The following NRXN1 variants were observed in gnomAD, a reference collection of about 807,000 sequenced individuals.
NRXN1 encodes neurexin 1, also known as neurexin-1.
Under a neutral mutation model 150.9 loss-of-function variants are expected in NRXN1, and 39 were observed. The ratio of observed to expected loss-of-function variants is 0.26; its 90% CI spans 0.20 to 0.34. The LOEUF is 0.34. Ranked by LOEUF, NRXN1 falls within the 10% of genes least tolerant of loss-of-function variation. The pLI, the probability that NRXN1 is intolerant of heterozygous loss-of-function variation, is 1.00. For synonymous variants in NRXN1, 924 were observed against 757.0 expected, an observed-to-expected ratio of 1.22 and a Z score of -3.62; for missense variants, 1,815 against 1,949.9, an observed-to-expected ratio of 0.93 and a Z score of 1.30.
At chr2:50,082,322 T>C (rs2152685410) in intron 19 of NRXN1, among the ~76,000 whole-genome samples, 1 of 152,322 alleles carries the variant, frequency 6.6e-6, no homozygotes, top group African/African-American at 2.4e-5. Context: ...GTGACTACTT[T>C]TCAGGAGTGA....
intron 17 of NRXN1, among the ~76,000 whole-genome samples, chr2:50,445,793 C>G (rs1383729892): frequency 2.0e-5 from 3 of 152,012 alleles, no homozygotes; most frequent in Admixed American, 6.5e-5. Context: ...GGCAAGGACA[C>G]CTGTGGCAAT....
chr2:50,972,095 A>AT (rs10636342), intron 2 of NRXN1, among the ~76,000 whole-genome samples: 1 of 63,178 alleles, frequency 1.6e-5, no homozygotes, highest in Non-Finnish European at 4.7e-5. Context: ...CACAAAAAAA[A>AT]AAAATTATTT....
intron 18 of NRXN1, among the ~76,000 whole-genome samples, chr2:50,188,243 G>C (rs958326095): frequency 2.0e-5 from 3 of 152,064 alleles, no homozygotes; most frequent in Admixed American, 2.0e-4. Context: ...TTTGATCTTT[G>C]ACAAACCTGA....
chr2:50,831,354 G>A (rs1045569013), intron 5 of NRXN1, among the ~76,000 whole-genome samples: 1 of 152,074 alleles, frequency 6.6e-6, no homozygotes, highest in Non-Finnish European at 1.5e-5. Context: ...TAATATACCA[G>A]GTCTGAGTAA....
intron 21 of NRXN1, among the ~76,000 whole-genome samples, chr2:50,045,258 G>A (rs550553337): frequency 2.6e-5 from 4 of 152,238 alleles, no homozygotes; most frequent in South Asian, 2.1e-4. Context: ...TATTGACTTA[G>A]TTTTTTGAAC....
intron 12 of NRXN1, among the ~76,000 whole-genome samples, chr2:50,507,215 T>C (rs2092269985): frequency 1.3e-5 from 2 of 152,102 alleles, no homozygotes; most frequent in Admixed American, 6.6e-5. Context: ...TTCTTTAGCC[T>C]CCTAAATTTA....
At chr2:50,870,990 C>G (rs1355492778) in intron 5 of NRXN1, among the ~76,000 whole-genome samples, 1 of 151,804 alleles carries the variant, frequency 6.6e-6, no homozygotes, top group East Asian at 1.9e-4. Flanking sequence ...AAAGTACATT[C>G]TGAACATATG....
intron 17 of NRXN1, among the ~76,000 whole-genome samples, chr2:50,365,319 G>A (rs541780282): frequency 1.3e-5 from 2 of 151,996 alleles, no homozygotes; most frequent in Non-Finnish European, 2.9e-5. Flanking sequence ...GAAATGTCAT[G>A]TGAAAATCCT....
rs57306719 is a variant in NRXN1 at position 50,981,819 on chromosome 2, ATGTGTG to A, written c.772+45677_772+45682del. 5.3e-3 allele frequency among the ~76,000 whole-genome samples: 789 copies of A among 149,228 alleles called. 5 individuals carry two copies. The highest frequency in any genetic ancestry group is 0.017 in the African/African-American group (707 of 40,536). On this transcript the variant is annotated intron_variant, in intron 2 of 22. Transcript: ENST00000401669. Reference sequence around the variant, plus strand: ...AGCCTAATAATTGTTTGAATAAACAATGTGTGTGTGTGTGTGTGTGTGTATGTGTGT... The same window carrying A: ...AGCCTAATAATTGTTTGAATAAACAATGTGTGTGTGTGTGTGTATGTGTGT...
intron 5 of NRXN1, among the ~76,000 whole-genome samples, chr2:50,799,150 C>G (rs1470736267): frequency 1.3e-5 from 2 of 152,142 alleles, no homozygotes; most frequent in Non-Finnish European, 1.5e-5. Context: ...TAAATTTCCT[C>G]TGTTCATTTA....
chr2:50,032,081 G>A (rs1275569213), intron 21 of NRXN1, among the ~76,000 whole-genome samples: 1 of 151,958 alleles, frequency 6.6e-6, no homozygotes, highest in African/African-American at 2.4e-5. Context: ...CATTCAATTA[G>A]AAAAGTATTT....
intron 8 of NRXN1, among the ~76,000 whole-genome samples, chr2:50,606,632 A>ATAATAAT (rs1553875310): frequency 2.8e-5 from 4 of 145,330 alleles, no homozygotes; most frequent in Admixed American, 6.9e-5. Context: ...AATAATAATA[A>ATAATAAT]AATAAAACTT....
intron 18 of NRXN1, among the ~76,000 whole-genome samples, chr2:50,130,612 GCAAA>G (rs1705325577): frequency 6.6e-6 from 1 of 152,100 alleles, no homozygotes; most frequent in African/African-American, 2.4e-5. Context: ...AGAAAAACAT[GCAAA>G]CAAACAAACA....
intron 21 of NRXN1, among the ~76,000 whole-genome samples, chr2:50,044,580 C>G (rs1055732214): frequency 2.6e-5 from 4 of 152,108 alleles, no homozygotes; most frequent in African/African-American, 9.7e-5. Flanking sequence ...ATCTTTTCTC[C>G]TTTAAATTTG....
At chr2:50,151,938 C>T (rs1352880769) in intron 18 of NRXN1, among the ~76,000 whole-genome samples, 2 of 151,622 alleles carry the variant, frequency 1.3e-5, no homozygotes, top group African/African-American at 4.8e-5. Flanking sequence ...AAAATGATTA[C>T]CAATAATAAT....
At chr2:49,971,739 G>A (rs1015372051) in intron 21 of NRXN1, among the ~76,000 whole-genome samples, 3 of 152,228 alleles carry the variant, frequency 2.0e-5, no homozygotes, top group Non-Finnish European at 4.4e-5. Context: ...TCTAAGGATA[G>A]AATATGAAGG....
At chr2:50,333,898 A>T (rs1165529552) in intron 17 of NRXN1, among the ~76,000 whole-genome samples, 1 of 152,056 alleles carries the variant, frequency 6.6e-6, no homozygotes, top group Non-Finnish European at 1.5e-5. Context: ...AGGCTGACTG[A>T]ATGAAATTGT....
At chr2:50,626,030 T>A (rs1464955573) in intron 5 of NRXN1, among the ~76,000 whole-genome samples, 1 of 152,014 alleles carries the variant, frequency 6.6e-6, no homozygotes, top group Non-Finnish European at 1.5e-5. Context: ...TTGTAGCTAA[T>A]GCAGGAAGAC....
intron 5 of NRXN1, among the ~76,000 whole-genome samples, chr2:50,854,056 G>A (rs1482361759): frequency 2.0e-5 from 3 of 151,876 alleles, no homozygotes; most frequent in Non-Finnish European, 4.4e-5. Context: ...ACCTCTTTAA[G>A]ATCCTCATTG....
Sources: allele counts gnomAD v4.1 joint callset (sites outside exome capture counted in the v4.1 genomes callset), GRCh38; gene constraint gnomAD v4.1.1; transcripts MANE v1.5; gene names NCBI Gene and HGNC (gene_info 2026-07-23, HGNC 2026-07-21).